NRCAM: variants seen among roughly 807,000 people sequenced by gnomAD.
NRCAM encodes the protein NgCAM-related cell adhesion molecule.
A neutral mutation model predicts 156.5 loss-of-function variants in NRCAM; 83 were observed. The ratio of observed to expected loss-of-function variants is 0.53; its 90% confidence interval spans 0.44 to 0.64. NRCAM has a LOEUF of 0.64. NRCAM is among the 30% of genes least tolerant of loss of function. The probability of loss-of-function intolerance (pLI) is 0.00; values close to 1 mark genes in which losing one functional copy is unlikely to be tolerated. For missense variants in NRCAM, 1,417 were observed against 1,597.3 expected (o/e 0.89, Z 1.92); for synonymous variants, 538 against 563.9 (o/e 0.95, Z 0.65).
At chr7:108,436,693 C>CAA (rs1442900707) in intron 1 of NRCAM, among the ~76,000 whole-genome samples, 2 of 152,096 alleles carry the variant, frequency 1.3e-5, no homozygotes, top group Non-Finnish European at 2.9e-5. Context: ...TAAAACACTA[C>CAA]AAATACTTTT....
chr7:108,300,160 C>CTTTTTTTTTTTTTTT lies in NRCAM; in HGVS notation c.-107+12490_-107+12504dup, dbSNP rs10665036. Among the ~76,000 whole-genome samples, 14 of 65,868 alleles carry CTTTTTTTTTTTTTTT rather than the reference C, an allele frequency of 2.1e-4. 1 individual carries two copies. Among genetic ancestry groups the CTTTTTTTTTTTTTTT allele is most frequent in the African/African-American group, 7.9e-4 (14 of 17,664 alleles). The allele number at this position is 65,868 out of a possible 152,430, so 43.2% of individuals were successfully genotyped here. Reference sequence around the variant, plus strand: ...TAATCCTTCCCCAAATTTCTGTTGACTTTTTTTTTTTTTTTTTTTTTTTTT... The same window carrying CTTTTTTTTTTTTTTT: ...TAATCCTTCCCCAAATTTCTGTTGACTTTTTTTTTTTTTTTTTTTTTTTTTTTTTTTTTTTTTTTT... On this transcript the variant is annotated intron_variant, in intron 3 of 32. Transcript: ENST00000379028.
intron 3 of NRCAM, among the ~76,000 whole-genome samples, chr7:108,277,637 T>A (rs904579392): frequency 6.6e-6 from 1 of 152,120 alleles, no homozygotes; most frequent in African/African-American, 2.4e-5. Flanking sequence ...GCCATTCATC[T>A]AAGCTTTTTT....
chr7:108,184,574 C>T lies in NRCAM; in HGVS notation c.2076G>A (p.Gly692=), dbSNP rs1346455211. The change falls in exon 21 of 33, where the codon GGG becomes GGA. Residue 692 remains glycine, a synonymous_variant. Transcript: ENST00000379028. ...AAACTTCAGTTTGGTGGTGCCACAG[C>T]CCTGGCTTGTGCATTGCATCTTCAT... ...IEYEDAMHKP[G]LWHHQTEVSG... 6.2e-7 allele frequency: 1 copy of T among 1,613,564 alleles called. No homozygotes were observed. The highest frequency in any genetic ancestry group is 8.5e-7 in the Non-Finnish European group (1 of 1,180,016).
intron 28 of NRCAM, 21 bp downstream of exon 28, chr7:108,175,301 C>G: frequency 6.4e-7 from 1 of 1,551,124 alleles, no homozygotes; most frequent in African/African-American, 1.4e-5. Context: ...TGTATAAAGT[C>G]ATGCAGATGA....
chr7:108,373,745 T>C (rs1016627765), intron 2 of NRCAM, among the ~76,000 whole-genome samples: 3 of 152,162 alleles, frequency 2.0e-5, no homozygotes, highest in Non-Finnish European at 2.9e-5. Flanking sequence ...ACTACAGAGC[T>C]AATGGTTGTC....
intron 1 of NRCAM, among the ~76,000 whole-genome samples, chr7:108,448,969 T>C (rs755188368): frequency 2.0e-5 from 3 of 152,060 alleles, no homozygotes; most frequent in African/African-American, 4.8e-5. Flanking sequence ...AACTAGATAA[T>C]AGAGGGGAAA....
At chr7:108,261,766 A>G (rs753560334) in intron 3 of NRCAM, among the ~76,000 whole-genome samples, 1 of 152,102 alleles carries the variant, frequency 6.6e-6, no homozygotes, top group Non-Finnish European at 1.5e-5. Flanking sequence ...CCTCATAGGG[A>G]TCTCTTGCTT....
chr7:108,291,477 AAG>A (rs1784797631), intron 3 of NRCAM, among the ~76,000 whole-genome samples: 1 of 152,212 alleles, frequency 6.6e-6, no homozygotes, highest in African/African-American at 2.4e-5. Context: ...GTTGATTTTA[AAG>A]AGTTTGTACT....
intron 11 of NRCAM, among the ~76,000 whole-genome samples, chr7:108,219,232 A>G (rs2091157253): frequency 6.6e-6 from 1 of 152,154 alleles, no homozygotes; most frequent in Non-Finnish European, 1.5e-5. Context: ...TTACCAAAAA[A>G]AAGTCCATGA....
chr7:108,352,117 C>T (rs2099417399), intron 2 of NRCAM, among the ~76,000 whole-genome samples: 1 of 152,174 alleles, frequency 6.6e-6, no homozygotes, highest in African/African-American at 2.4e-5. Flanking sequence ...AATATTCCTT[C>T]CTCTAAGAAT....
intron 1 of NRCAM, among the ~76,000 whole-genome samples, chr7:108,424,291 G>T (rs1277261162): frequency 6.6e-6 from 1 of 152,138 alleles, no homozygotes; most frequent in Admixed American, 6.5e-5. Context: ...TAGTCTTCCT[G>T]GTGAAATAAC....
chr7:108,211,392 C>T (rs1390570859), intron 11 of NRCAM, among the ~76,000 whole-genome samples: 4 of 152,158 alleles, frequency 2.6e-5, no homozygotes, highest in Non-Finnish European at 5.9e-5. Context: ...CTGGCCAGAA[C>T]TCGGGAAAGG....
At chr7:108,455,351 T>TGCTCCAGGGCGGGTAATC (rs1487773148) in intron 1 of NRCAM, among the ~76,000 whole-genome samples, 1 of 152,134 alleles carries the variant, frequency 6.6e-6, no homozygotes. Flanking sequence ...GCGAGATGGA[T>TGCTCCAGGGCGGGTAATC]GCTCCAGGGC....
At chr7:108,401,688 G>C (rs973132387) in intron 1 of NRCAM, among the ~76,000 whole-genome samples, 1 of 152,172 alleles carries the variant, frequency 6.6e-6, no homozygotes, top group African/African-American at 2.4e-5. Context: ...ATCAATGAGG[G>C]AACTGAAGCC....
intron 1 of NRCAM, 47 bp downstream of exon 1, chr7:108,456,196 C>G (rs921595228): frequency 6.5e-6 from 1 of 152,690 alleles, no homozygotes; most frequent in South Asian, 2.1e-4. Context: ...GCCGTCACCC[C>G]CGAGCAGGAC....
At chr7:108,297,715 A>C (rs750785379) in intron 3 of NRCAM, among the ~76,000 whole-genome samples, 14 of 152,224 alleles carry the variant, frequency 9.2e-5, no homozygotes, top group Non-Finnish European at 2.9e-5. Flanking sequence ...ATAGTTTCTT[A>C]GGTGGTATTA....
At chr7:108,151,004 G>A (rs1222663110) in intron 32 of NRCAM, among the ~76,000 whole-genome samples, 1 of 152,104 alleles carries the variant, frequency 6.6e-6, no homozygotes, top group African/African-American at 2.4e-5. Flanking sequence ...TGTGTGTTAT[G>A]CAGCCTGACT....
chr7:108,451,869 T>G (rs914423662), intron 1 of NRCAM, among the ~76,000 whole-genome samples: 1 of 152,216 alleles, frequency 6.6e-6, no homozygotes, highest in Admixed American at 6.5e-5. Context: ...TGGAGAGGTA[T>G]AGTGGTGATG....
chr7:108,421,706 C>G (rs1810123559), intron 1 of NRCAM, among the ~76,000 whole-genome samples: 1 of 152,180 alleles, frequency 6.6e-6, no homozygotes, highest in Non-Finnish European at 1.5e-5. Flanking sequence ...TGAAGCTATT[C>G]AATCTACAAC....
Sources: gnomAD v4.1 joint callset for allele counts (sites outside exome capture counted in the v4.1 genomes callset) on GRCh38, gnomAD v4.1.1 for gene constraint, MANE v1.5 for transcripts, NCBI Gene and HGNC (gene_info 2026-07-23, HGNC 2026-07-21) for gene names.